OR2L13: variants seen among roughly 807,000 people sequenced by gnomAD.
OR2L13 encodes olfactory receptor family 2 subfamily L member 13.
OR2L13 carries 14 observed loss-of-function variants against 15.3 expected under a neutral mutation model. The observed-to-expected ratio is 0.91, with a 90% confidence interval of 0.60 to 1.43. OR2L13 has a LOEUF of 1.43. OR2L13 is among the 40% of genes most tolerant of loss of function. OR2L13 has a pLI of 0.00. For synonymous variants in OR2L13, 152 were observed against 142.9 expected (o/e 1.06, Z -0.45); for missense variants, 367 against 387.9 (o/e 0.95, Z 0.45).
the OR2L13 span, among the ~76,000 whole-genome samples, chr1:248,029,717 CAGAA>C: frequency 2.0e-5 from 3 of 151,984 alleles, no homozygotes; most frequent in South Asian, 2.1e-4. Flanking sequence ...AAATTGAACT[CAGAA>C]AGAAATTAAT....
chr1:247,958,271 C>T, the OR2L13 span, among the ~76,000 whole-genome samples: 6 of 152,116 alleles, frequency 3.9e-5, no homozygotes, highest in Admixed American at 3.3e-4. Flanking sequence ...TTTTTTAACC[C>T]CAAGGTCTAG....
chr1:248,084,548 T>C, the OR2L13 span: 1 of 1,612,720 alleles, frequency 6.2e-7, no homozygotes, highest in Non-Finnish European at 8.5e-7. Flanking sequence ...CTGGTGTGGT[T>C]AAAGAGTCCC....
At chr1:248,093,193 G>A (rs1297788459), upstream of OR2L13, among the ~76,000 whole-genome samples, 1 of 152,148 alleles carries the variant, frequency 6.6e-6, no homozygotes, top group Non-Finnish European at 1.5e-5. Context: ...TGGAAGTGGG[G>A]TAAGGTTTGG....
the OR2L13 span, among the ~76,000 whole-genome samples, chr1:248,027,452 T>C: frequency 2.0e-5 from 3 of 152,206 alleles, no homozygotes; most frequent in Non-Finnish European, 2.9e-5. Context: ...CCACACCCTA[T>C]TTGTACACTT....
chr1:248,076,555 C>T, the OR2L13 span, among the ~76,000 whole-genome samples: 1 of 152,118 alleles, frequency 6.6e-6, no homozygotes, highest in Admixed American at 6.5e-5. Flanking sequence ...TTGAAAAGGT[C>T]CTTCATATCC....
chr1:247,948,850 A>G, the OR2L13 span: 15 of 1,592,354 alleles, frequency 9.4e-6, no homozygotes, highest in Non-Finnish European at 1.2e-5. Context: ...GGATTGTAGG[A>G]ATGCTCCATG....
chr1:248,060,019 A>G, the OR2L13 span, among the ~76,000 whole-genome samples: 3 of 151,046 alleles, frequency 2.0e-5, no homozygotes, highest in Non-Finnish European at 1.5e-5. Context: ...CACCTGGGTA[A>G]CAGAGAGAGA....
the OR2L13 span, among the ~76,000 whole-genome samples, chr1:248,043,578 CAGAT>C: frequency 6.6e-6 from 1 of 152,066 alleles, no homozygotes; most frequent in African/African-American, 2.4e-5. Flanking sequence ...GCAAGAGAGG[CAGAT>C]AGATGGACTA....
the OR2L13 span, chr1:248,061,787 A>G: frequency 3.8e-6 from 2 of 521,722 alleles, no homozygotes; most frequent in Non-Finnish European, 6.3e-6. Flanking sequence ...ATATGTATAT[A>G]TAACTCCAAA....
chr1:247,989,587 A>G, the OR2L13 span, among the ~76,000 whole-genome samples: 1 of 152,204 alleles, frequency 6.6e-6, no homozygotes, highest in Non-Finnish European at 1.5e-5. Context: ...CTCTCACAAA[A>G]TATAATTTCT....
the OR2L13 span, among the ~76,000 whole-genome samples, chr1:248,012,723 G>C: frequency 6.6e-6 from 1 of 152,016 alleles, no homozygotes; most frequent in Admixed American, 6.6e-5. Context: ...ACCCTGATTA[G>C]ATCATTATGT....
chr1:247,954,227 C>T, the OR2L13 span, among the ~76,000 whole-genome samples: 464 of 152,234 alleles, frequency 3.0e-3, 4 homozygotes, highest in Non-Finnish European at 5.6e-3. Flanking sequence ...TCAACCACCA[C>T]TACTAAATTT....
upstream of OR2L13, among the ~76,000 whole-genome samples, chr1:248,094,032 T>C (rs1664662009): frequency 6.6e-6 from 1 of 152,128 alleles, no homozygotes; most frequent in Non-Finnish European, 1.5e-5. Context: ...TTAACAATAA[T>C]TTATTGTATA....
the OR2L13 span, among the ~76,000 whole-genome samples, chr1:247,976,103 T>C: frequency 6.6e-6 from 1 of 152,210 alleles, no homozygotes; most frequent in Admixed American, 6.5e-5. Flanking sequence ...TAATGATTTA[T>C]TAATAAATTT....
At chr1:248,023,122 C>T in the OR2L13 span, 3 of 356,108 alleles carry the variant, frequency 8.4e-6, no homozygotes, top group Non-Finnish European at 1.5e-5. Flanking sequence ...ATTGTAAGGC[C>T]ATAGAATTTC....
At chr1:248,078,422 G>A in the OR2L13 span, among the ~76,000 whole-genome samples, 2 of 151,968 alleles carry the variant, frequency 1.3e-5, no homozygotes, top group African/African-American at 4.8e-5. Flanking sequence ...GCAGTGAACT[G>A]AGATCGCGCC....
At chr1:247,971,347 G>T in the OR2L13 span, among the ~76,000 whole-genome samples, 1 of 152,134 alleles carries the variant, frequency 6.6e-6, no homozygotes, top group South Asian at 2.1e-4. Flanking sequence ...GGAAGTAGTG[G>T]CACCTAGGGA....
chr1:247,944,992 G>A, the OR2L13 span, among the ~76,000 whole-genome samples: 1 of 150,400 alleles, frequency 6.6e-6, no homozygotes, highest in African/African-American at 2.5e-5. Context: ...AGGGTTTTTT[G>A]TGTCTCCATG....
chr1:248,039,386 C>T, the OR2L13 span: 1 of 424,508 alleles, frequency 2.4e-6, no homozygotes, highest in Non-Finnish European at 4.0e-6. Context: ...TCTAAGACAT[C>T]TATTTTGATT....
Sources: allele counts gnomAD v4.1 joint callset (sites outside exome capture counted in the v4.1 genomes callset), GRCh38; gene constraint gnomAD v4.1.1; transcripts MANE v1.5; gene names NCBI Gene and HGNC (gene_info 2026-07-23, HGNC 2026-07-21).